COL22A1: variants seen among roughly 807,000 people sequenced by gnomAD.
COL22A1 encodes the protein collagen type XXII alpha 1 chain.
COL22A1 carries 221 observed loss-of-function variants against 248.9 expected under a neutral mutation model. The observed-to-expected ratio is 0.89, with a 90% CI of 0.80 to 0.99. The LOEUF (loss-of-function observed/expected upper bound fraction) is 0.99. COL22A1 is among the 50% of genes least tolerant of loss of function. COL22A1 has a pLI of 0.00. For synonymous variants in COL22A1, 891 were observed against 793.4 expected, an observed-to-expected ratio of 1.12 and a Z score of -2.07; for missense variants, 2,240 against 2,179.0, an observed-to-expected ratio of 1.03 and a Z score of -0.56.
intron 12 of COL22A1, among the ~76,000 whole-genome samples, chr8:138,787,404 C>T (rs1274694838): frequency 6.6e-6 from 1 of 152,200 alleles, no homozygotes; most frequent in African/African-American, 2.4e-5. Context: ...AGAACAGACT[C>T]ATTCCCCTCC....
chr8:138,776,595 A>G (rs1473753591), intron 15 of COL22A1, among the ~76,000 whole-genome samples: 1 of 151,994 alleles, frequency 6.6e-6, no homozygotes. Context: ...GGTTTCTCTG[A>G]GTGCAGGATC....
At chr8:138,822,602 C>T (rs771708672) in intron 6 of COL22A1, among the ~76,000 whole-genome samples, 5 of 152,162 alleles carry the variant, frequency 3.3e-5, no homozygotes, top group Non-Finnish European at 7.4e-5. Flanking sequence ...CTAATATTCA[C>T]GTGTTGCCCT....
intron 16 of COL22A1, among the ~76,000 whole-genome samples, 186 bp downstream of exon 16, chr8:138,775,776 ACTGT>A (rs1814390032): frequency 1.3e-5 from 2 of 152,088 alleles, no homozygotes; most frequent in African/African-American, 4.8e-5. Context: ...GGAAATTAAC[ACTGT>A]CTGCATCAGC....
At chr8:138,906,493 G>T (rs1460157632) in intron 1 of COL22A1, among the ~76,000 whole-genome samples, 1 of 152,152 alleles carries the variant, frequency 6.6e-6, no homozygotes. Flanking sequence ...TCATGTATCA[G>T]TGTAACAGAC....
chr8:138,790,895 C>T (rs1485157904), intron 12 of COL22A1, among the ~76,000 whole-genome samples: 1 of 152,018 alleles, frequency 6.6e-6, no homozygotes, highest in African/African-American at 2.4e-5. Flanking sequence ...GTTAATCATT[C>T]TCCAAAGCTC....
At chr8:138,900,877 T>A (rs1195519697) in intron 1 of COL22A1, among the ~76,000 whole-genome samples, 1 of 152,060 alleles carries the variant, frequency 6.6e-6, no homozygotes, top group Non-Finnish European at 1.5e-5. Flanking sequence ...AAGAAGATGG[T>A]TTTAGAGAGT....
intron 1 of COL22A1, among the ~76,000 whole-genome samples, chr8:138,889,755 A>G (rs2132104319): frequency 6.6e-6 from 1 of 152,322 alleles, no homozygotes; most frequent in Admixed American, 6.5e-5. Flanking sequence ...GAAATAAGAA[A>G]GATGGTGGCC....
chr8:138,906,854 T>C (rs751532687), intron 1 of COL22A1, among the ~76,000 whole-genome samples: 2 of 152,174 alleles, frequency 1.3e-5, no homozygotes, highest in Non-Finnish European at 2.9e-5. Context: ...GGTTTTGCCA[T>C]GTTGGCCAGG....
At chr8:138,680,110 A>G (rs935974603) in intron 39 of COL22A1, among the ~76,000 whole-genome samples, 1 of 152,224 alleles carries the variant, frequency 6.6e-6, no homozygotes, top group Non-Finnish European at 1.5e-5. Flanking sequence ...AAGAAGAGCA[A>G]AAATATCTTA....
chr8:138,883,330 C>A, intron 1 of COL22A1, 86 bp from the exon 2 acceptor site: 1 of 714,428 alleles, frequency 1.4e-6, no homozygotes, highest in Non-Finnish European at 2.2e-6. Context: ...AGGGGGATTC[C>A]CTACACCCAG....
intron 3 of COL22A1, among the ~76,000 whole-genome samples, chr8:138,857,879 G>T (rs369207526): frequency 6.6e-6 from 1 of 152,220 alleles, no homozygotes; most frequent in Non-Finnish European, 1.5e-5. Context: ...TTGGCCCAGT[G>T]CCTCCTTCCC....
chr8:138,788,194 T>C (rs1026974590), intron 12 of COL22A1, among the ~76,000 whole-genome samples: 2 of 152,140 alleles, frequency 1.3e-5, no homozygotes, highest in African/African-American at 4.8e-5. Flanking sequence ...ACATACTAAA[T>C]CAGACATTCT....
rs200230813 is a variant in COL22A1 at position 138,754,315 on chromosome 8, TAA to T, written c.2031+840_2031+841del. 9.2e-3 allele frequency among the ~76,000 whole-genome samples: 1,395 copies of T among 152,252 alleles called. 23 individuals carry two copies. The highest frequency in any genetic ancestry group is 0.032 in the African/African-American group (1,309 of 41,532). ...CGAACCTGGAGAGGTCACAGAGACA[TAA>T]GTTAGATTTTCTGATCCAAAATCTT... is the stretch of plus-strand genomic sequence containing the variant. On this transcript the variant is annotated intron_variant, in intron 21 of 64. Coordinates refer to ENST00000303045, the MANE Select transcript of COL22A1 (RefSeq NM_152888.3).
chr8:138,674,058 GCTTT>G (rs980420020), intron 41 of COL22A1, among the ~76,000 whole-genome samples: 4 of 152,136 alleles, frequency 2.6e-5, no homozygotes, highest in African/African-American at 7.2e-5. Context: ...CCCTTGGCTT[GCTTT>G]CTTTGTCTGT....
At chr8:138,840,984 G>T (rs4736298) in intron 4 of COL22A1, among the ~76,000 whole-genome samples, 87,338 of 151,936 alleles carry the variant, frequency 0.57, 25,336 homozygotes, top group Middle Eastern at 0.76. Flanking sequence ...TTAAATTCAT[G>T]CTGAGTTACA....
At chr8:138,712,072 C>T (rs1016272708) in intron 30 of COL22A1, among the ~76,000 whole-genome samples, 13 of 152,210 alleles carry the variant, frequency 8.5e-5, no homozygotes, top group Non-Finnish European at 1.3e-4. Context: ...CCTACACAGA[C>T]GGTGCTCAGG....
intron 4 of COL22A1, among the ~76,000 whole-genome samples, chr8:138,838,774 A>T (rs528123154): frequency 6.7e-6 from 1 of 150,286 alleles, no homozygotes; most frequent in African/African-American, 2.5e-5. Flanking sequence ...CTGTGAGATA[A>T]AAAAAAAGCA....
chr8:138,656,051 A>T (rs1282615451), intron 44 of COL22A1, 107 bp from the exon 45 acceptor site: 22 of 916,356 alleles, frequency 2.4e-5, no homozygotes, highest in South Asian at 2.2e-4. Context: ...AATACGTGAC[A>T]CACTGCGCCG....
At chr8:138,885,339 A>G (rs894809341) in intron 1 of COL22A1, among the ~76,000 whole-genome samples, 7 of 152,164 alleles carry the variant, frequency 4.6e-5, no homozygotes, top group Non-Finnish European at 1.0e-4. Context: ...CAGCCAGGTC[A>G]CATAACTTGC....
Sources: gnomAD v4.1 joint callset for allele counts (sites outside exome capture counted in the v4.1 genomes callset) on GRCh38, gnomAD v4.1.1 for gene constraint, MANE v1.5 for transcripts, NCBI Gene and HGNC (gene_info 2026-07-23, HGNC 2026-07-21) for gene names.